Variants in EPN1 observed in about 807,000 individuals in gnomAD.
EPN1 encodes epsin 1.
A neutral mutation model predicts 56.9 loss-of-function variants in EPN1; 25 were observed. The observed-to-expected ratio is 0.44, with a 90% CI of 0.32 to 0.61. The LOEUF (loss-of-function observed/expected upper bound fraction) is 0.61, where lower values mean the gene tolerates loss of function less well. Among genes scored for constraint, EPN1 ranks in the 20% least tolerant of loss-of-function variants. EPN1 has a pLI of 0.05. For missense variants in EPN1, 785 were observed against 823.7 expected (o/e 0.95, Z 0.58); for synonymous variants, 411 against 361.8 (o/e 1.14, Z -1.54).
In EPN1 at chr19:55,695,213, C is replaced by T; in HGVS notation, c.1588C>T (p.Leu530=). The stretch of plus-strand genomic sequence containing the variant: ...GCCCGCGCCTCCCGCGACGCTCACC[C>T]TGAACCAGCTCCGTCTCAGTCCTGT... The part of the protein sequence containing the change: ...FQPAPPATLT[L]NQLRLSPVPP... Residue 530 remains leucine, a synonymous_variant, in exon 11 of 11, where the codon CTG becomes TTG. Transcript: ENST00000270460. This position sits in a 1 kb window ranked among gnomAD's most constrained non-coding sequence, Gnocchi z 4.4. 6.2e-7 allele frequency: 1 copy of T among 1,613,526 alleles called. No homozygotes were observed. The highest frequency in any genetic ancestry group is 8.5e-7 in the Non-Finnish European group (1 of 1,179,836).
rs1164461520 is a variant in EPN1 at position 55,700,257 on chromosome 19, C to T, written c.*4901C>T. The T allele has an allele frequency of 6.7e-6, 1 of 148,742 alleles. No individual in the cohort carries two copies. Among genetic ancestry groups the T allele is most frequent in the African/African-American group, 2.6e-5 (1 of 38,946 alleles). 9.2% of individuals were successfully genotyped at this position (148,742 alleles called of 1,614,324 possible). Reference sequence around the variant, plus strand: ...CTATTTAATGACTGCTCCATAAATACAAACTTCCTTTCCTTATTATTATTA... The same window carrying T: ...CTATTTAATGACTGCTCCATAAATATAAACTTCCTTTCCTTATTATTATTA... On this transcript the variant is annotated 3_prime_UTR_variant, in exon 11 of 11. Coordinates refer to ENST00000270460, the MANE Select transcript of EPN1 (RefSeq NM_001130072.2).
chr19:55,692,621 G>C lies in EPN1; in HGVS notation c.1067-65G>C, dbSNP rs894249583. On this transcript the variant is annotated intron_variant, in intron 7 of 10. Transcript: ENST00000270460. Reference sequence around the variant, plus strand: ...GAACAGCCACAGATTTGGAGGCAATGGTCCTCCCTAGCCATCTGGGCAGTC... The same window carrying C: ...GAACAGCCACAGATTTGGAGGCAATCGTCCTCCCTAGCCATCTGGGCAGTC... The C allele has an allele frequency of 3.6e-6, 4 of 1,112,154 alleles. No individual in the cohort carries two copies. In the East Asian group the frequency reaches 1.1e-4, roughly 30 times the overall value. 68.9% of individuals were successfully genotyped at this position (1,112,154 alleles called of 1,614,324 possible). A position where few individuals can be genotyped will look rare whatever the true frequency, so the allele number is the denominator to read the frequency against.
intron 9 of EPN1, among the ~76,000 whole-genome samples, chr19:55,693,925 G>A (rs60873246): frequency 0.15 from 22,454 of 152,040 alleles, 3,161 homozygotes; most frequent in African/African-American, 0.36. Context: ...CTATTTAAAA[G>A]GAAAATCAGG....
At position 55,694,417 on chromosome 19, in the gene EPN1, G is replaced by A. The variant is rs374642460; in HGVS notation, c.1265-309G>A. 6.8e-5 allele frequency: 22 copies of A among 322,892 alleles called. No homozygotes were observed. Among genetic ancestry groups the A allele is most frequent in the African/African-American group, 3.8e-4 (18 of 47,006 alleles). 20.0% of individuals were successfully genotyped at this position (322,892 alleles called of 1,614,324 possible). A position where few individuals can be genotyped will look rare whatever the true frequency, so the allele number is the denominator to read the frequency against. On this transcript the variant is annotated intron_variant, in intron 9 of 10. Coordinates refer to ENST00000270460, the MANE Select transcript of EPN1 (RefSeq NM_001130072.2). The surrounding 1 kb of genome is among the most constrained non-coding windows in gnomAD (Gnocchi z 4.2). ...ACACGCCCCCGCTGCCTTCCCCCGC[G>A]GGCCTATAGACCCTGGACGGCCCCA...
In EPN1 at chr19:55,701,482, ATTT is replaced by A. The variant is rs774418462; in HGVS notation, c.*6131_*6133del. The A allele has an allele frequency of 6.6e-6, 1 of 150,702 alleles. No homozygotes were observed. Among genetic ancestry groups the A allele is most frequent in the Non-Finnish European group, 1.5e-5 (1 of 67,722 alleles). The allele number at this position is 150,702 out of a possible 1,614,324, so 9.3% of individuals were successfully genotyped here. On this transcript the variant is annotated 3_prime_UTR_variant, in exon 11 of 11. Transcript: ENST00000270460. Reference sequence around the variant, plus strand: ...AAAAAAAAATGATACTGTTTCCTGTATTTTTTTCTCTTAGTATCTTAAGAAATA... The same window carrying A: ...AAAAAAAAATGATACTGTTTCCTGTATTTTCTCTTAGTATCTTAAGAAATA...
intron 1 of EPN1, chr19:55,677,794 T>A: frequency 6.9e-7 from 1 of 1,441,246 alleles, no homozygotes; most frequent in African/African-American, 1.4e-5. Flanking sequence ...TTCCCATGTG[T>A]CCTTGTTTCT....
intron 2 of EPN1, among the ~76,000 whole-genome samples, chr19:55,681,090 T>C (rs1204099606): frequency 1.3e-5 from 2 of 152,222 alleles, no homozygotes; most frequent in Admixed American, 1.3e-4. Context: ...TCCCACCCTG[T>C]GGCCCTGCTG....
At chr19:55,693,286 T>C (rs976651790) in intron 9 of EPN1, 1 of 489,538 alleles carries the variant, frequency 2.0e-6, no homozygotes, top group Non-Finnish European at 3.7e-6. Flanking sequence ...ACCCGAATGT[T>C]GACCTCTGAC....
Position 55,702,607 on chromosome 19 carries a change from G to A in EPN1, c.*7251G>A, listed in dbSNP as rs942157313. The A allele has an allele frequency of 2.0e-5, 3 of 152,184 alleles. No homozygotes were observed. Among genetic ancestry groups the A allele is most frequent in the Admixed American group, 6.5e-5 (1 of 15,276 alleles). 9.4% of individuals were successfully genotyped at this position (152,184 alleles called of 1,614,324 possible). On this transcript the variant is annotated 3_prime_UTR_variant, in exon 11 of 11. Transcript: ENST00000270460. ...AGGAGAAGTGATTTCTTTGAACTGC[G>A]TGGTGTGGTGAGAAAGGGAGCAATT...
At position 55,700,506 on chromosome 19, in the gene EPN1, C is replaced by T. The variant is rs771148462; in HGVS notation, c.*5150C>T. On this transcript the variant is annotated 3_prime_UTR_variant, in exon 11 of 11. Coordinates refer to ENST00000270460, the MANE Select transcript of EPN1 (RefSeq NM_001130072.2). Reference sequence around the variant, plus strand: ...CGAACTCCTGACCTTGTGATCCACCCGCCTCGGCCTCCCAAAGTGCTGGGA... The same window carrying T: ...CGAACTCCTGACCTTGTGATCCACCTGCCTCGGCCTCCCAAAGTGCTGGGA... 8 of 151,376 alleles carry T rather than the reference C, an allele frequency of 5.3e-5. No homozygotes were observed. Among genetic ancestry groups the T allele is most frequent in the Admixed American group, 3.3e-4 (5 of 15,242 alleles). 9.4% of individuals were successfully genotyped at this position (151,376 alleles called of 1,614,324 possible). A position where few individuals can be genotyped will look rare whatever the true frequency, so the allele number is the denominator to read the frequency against.
At chr19:55,677,246 C>CCA (rs760707256) in intron 1 of EPN1, 1 of 1,283,426 alleles carries the variant, frequency 7.8e-7, no homozygotes. Flanking sequence ...AGGGGCTGAA[C>CCA]CTCTGTGTCT....
rs2287831 is a variant in EPN1, at chr19:55,709,078, T to G, written c.*13722T>G. ...ATAGAAATAAAGTTTTTTTTTTTGT[T>G]TTTCATTTTTACACAGTATTGCCTC... is the stretch of plus-strand genomic sequence containing the variant. On this transcript the variant is annotated 3_prime_UTR_variant, in exon 11 of 11. Transcript: ENST00000270460. 171,825 of 1,522,616 alleles carry G rather than the reference T, an allele frequency of 0.11. 11,985 individuals carry two copies. Among genetic ancestry groups the G allele is most frequent in the African/African-American group, 0.31 (21,431 of 69,498 alleles). 94.3% of individuals were successfully genotyped at this position (1,522,616 alleles called of 1,614,324 possible).
At chr19:55,690,593 C>G (rs1986478644) in intron 6 of EPN1, among the ~76,000 whole-genome samples, 2 of 152,208 alleles carry the variant, frequency 1.3e-5, no homozygotes, top group African/African-American at 2.4e-5. Flanking sequence ...CTCCCCTGGC[C>G]TCTCCCTGGT....
Position 55,689,183 on chromosome 19 carries a change from A to G in EPN1, c.604-114A>G. On this transcript the variant is annotated intron_variant, in intron 4 of 10. Transcript: ENST00000270460. The surrounding 1 kb of genome is among the most constrained non-coding windows in gnomAD (Gnocchi z 5.7). Reference sequence around the variant, plus strand: ...GCGTGTCACTCTCTGCCTGTCCCTCACTGGTTCAGGGACCCCCAGCCCTCT... The same window carrying G: ...GCGTGTCACTCTCTGCCTGTCCCTCGCTGGTTCAGGGACCCCCAGCCCTCT... The G allele has an allele frequency of 8.9e-7, 1 of 1,129,622 alleles. No individual in the cohort carries two copies. Among genetic ancestry groups the G allele is most frequent in the Non-Finnish European group, 1.3e-6 (1 of 787,192 alleles). 70.0% of individuals were successfully genotyped at this position (1,129,622 alleles called of 1,614,324 possible).
At chr19:55,688,847 C>G in intron 3 of EPN1, 23 bp from the exon 4 acceptor site, 6 of 1,568,488 alleles carry the variant, frequency 3.8e-6, no homozygotes, top group Non-Finnish European at 5.2e-6. Context: ...CTGGGTCTCA[C>G]GCGTTTCTCA....
intron 1 of EPN1, among the ~76,000 whole-genome samples, chr19:55,675,799 T>G (rs1985369119): frequency 1.3e-5 from 2 of 152,224 alleles, no homozygotes; most frequent in South Asian, 4.1e-4. Flanking sequence ...CCGAGTCTTC[T>G]TTTCCCTAGG....
chr19:55,689,847 T>C lies in EPN1; in HGVS notation c.679-20T>C, dbSNP rs2122203105. 2 of 1,586,080 alleles carry C rather than the reference T, an allele frequency of 1.3e-6. No individual in the cohort carries two copies. Among genetic ancestry groups the C allele is most frequent in the Non-Finnish European group, 1.7e-6 (2 of 1,166,778 alleles). ...GGCTCACGTTCTCATGTCTCCCTGGTCGTGCCCGTGCCCCAACAGGAGGAG... is the reference window on the plus strand; with the variant it reads ...GGCTCACGTTCTCATGTCTCCCTGGCCGTGCCCGTGCCCCAACAGGAGGAG... On this transcript the variant is annotated intron_variant, in intron 5 of 10. Transcript: ENST00000270460. The surrounding 1 kb of genome is among the most constrained non-coding windows in gnomAD (Gnocchi z 5.7).
At chr19:55,687,251 G>A (rs1986231635) in intron 3 of EPN1, among the ~76,000 whole-genome samples, 1 of 152,114 alleles carries the variant, frequency 6.6e-6, no homozygotes, top group Admixed American at 6.5e-5. Context: ...TGGTGTGCTG[G>A]CCCCTGTCTT....
At chr19:55,677,023 T>C in intron 1 of EPN1, 5 of 1,292,976 alleles carry the variant, frequency 3.9e-6, no homozygotes, top group Non-Finnish European at 4.2e-6. Flanking sequence ...AGTTACTTTT[T>C]AACTAGCTAC....
Sources: gnomAD v4.1 joint callset for allele counts (sites outside exome capture counted in the v4.1 genomes callset) on GRCh38, gnomAD v4.1.1 for gene constraint, Gnocchi (gnomAD v3.1) non-coding constraint, MANE v1.5 for transcripts, NCBI Gene and HGNC (gene_info 2026-07-23, HGNC 2026-07-21) for gene names.